CCL28: variants seen among roughly 807,000 people sequenced by gnomAD.
The protein encoded by CCL28 is C-C motif chemokine 28.
A neutral mutation model predicts 7.1 loss-of-function variants in CCL28; 4 were observed. The observed-to-expected ratio is 0.56, with a 90% CI of 0.28 to 1.29. The LOEUF (loss-of-function observed/expected upper bound fraction) is 1.29. Ranked by LOEUF, CCL28 falls within the 50% of genes most tolerant of loss-of-function variation. CCL28 has a pLI of 0.11. For missense variants in CCL28, 151 were observed against 163.4 expected (o/e 0.92, Z 0.41); for synonymous variants, 55 against 57.8 (o/e 0.95, Z 0.22).
chr5:43,390,894 G>A (rs1740544090), intron 1 of CCL28, among the ~76,000 whole-genome samples: 1 of 152,214 alleles, frequency 6.6e-6, no homozygotes. Context: ...AACCAGTGAA[G>A]CCCAGAGTAT....
chr5:43,406,918 G>T (rs1333331890), intron 1 of CCL28, among the ~76,000 whole-genome samples: 1 of 152,134 alleles, frequency 6.6e-6, no homozygotes, highest in Admixed American at 6.5e-5. Flanking sequence ...AAAATACCTT[G>T]AAATCCAACT....
chr5:43,402,688 A>C (rs1741087946), intron 1 of CCL28, among the ~76,000 whole-genome samples: 1 of 152,080 alleles, frequency 6.6e-6, no homozygotes, highest in African/African-American at 2.4e-5. Context: ...CAGTCCATGG[A>C]GCGTGAGCTG....
intron 1 of CCL28, among the ~76,000 whole-genome samples, chr5:43,396,743 CA>C (rs1323990640): frequency 2.0e-5 from 3 of 151,646 alleles, no homozygotes; most frequent in Non-Finnish European, 4.4e-5. Flanking sequence ...TCAGAGGAAA[CA>C]AAGCACGAGA....
intron 1 of CCL28, 21 bp from the exon 2 acceptor site, chr5:43,388,497 A>G: frequency 6.2e-7 from 1 of 1,611,498 alleles, no homozygotes; most frequent in Non-Finnish European, 8.5e-7. Flanking sequence ...AAAAGAAAGA[A>G]AATGTTAAAT....
rs981718688 is a variant in CCL28 at position 43,379,948 on chromosome 5, C to A, written c.*1912G>T. The A allele has an allele frequency of 6.6e-6, 1 of 152,100 alleles. No individual in the cohort carries two copies. Among genetic ancestry groups the A allele is most frequent in the African/African-American group, 2.4e-5 (1 of 41,406 alleles). The allele number at this position is 152,100 out of a possible 1,614,324, so 9.4% of individuals were successfully genotyped here. On this transcript the variant is annotated 3_prime_UTR_variant, in exon 3 of 3. Transcript: ENST00000361115. Reference sequence around the variant, plus strand: ...CAGCCCGGCCAACGTGGGAAAACCCCGTCTCTACTAAAAATACAAAAATCA... The same window carrying A: ...CAGCCCGGCCAACGTGGGAAAACCCAGTCTCTACTAAAAATACAAAAATCA...
chr5:43,373,458 G>A (rs1346773559), downstream of CCL28, among the ~76,000 whole-genome samples: 1 of 151,870 alleles, frequency 6.6e-6, no homozygotes, highest in African/African-American at 2.4e-5. Context: ...GTGCCACCAC[G>A]CCCGGCTAAT....
chr5:43,403,588 T>C (rs1252517477), intron 1 of CCL28, among the ~76,000 whole-genome samples: 1 of 152,042 alleles, frequency 6.6e-6, no homozygotes, highest in Non-Finnish European at 1.5e-5. Flanking sequence ...CTGACAAATC[T>C]AAAAATCAGA....
At chr5:43,368,318 C>T in the CCL28 span, among the ~76,000 whole-genome samples, 17 of 152,088 alleles carry the variant, frequency 1.1e-4, no homozygotes, top group Non-Finnish European at 1.9e-4. Flanking sequence ...GCTAGTTGCC[C>T]GCAATATCCT....
the CCL28 span, among the ~76,000 whole-genome samples, chr5:43,367,295 G>A: frequency 6.6e-6 from 1 of 152,164 alleles, no homozygotes; most frequent in Non-Finnish European, 1.5e-5. Context: ...AAAATCTCCT[G>A]CAGCTAGCTT....
the CCL28 span, among the ~76,000 whole-genome samples, chr5:43,362,132 G>A: frequency 9.9e-5 from 15 of 152,154 alleles, no homozygotes; most frequent in East Asian, 2.9e-3. Context: ...CCATAAATTT[G>A]GAATGTTTTC....
intron 1 of CCL28, among the ~76,000 whole-genome samples, chr5:43,396,152 G>A (rs1218045468): frequency 6.6e-6 from 1 of 152,092 alleles, no homozygotes; most frequent in African/African-American, 2.4e-5. Context: ...TTACAGGCGT[G>A]AACCACTGCG....
chr5:43,400,651 C>T (rs188889834), intron 1 of CCL28, among the ~76,000 whole-genome samples: 1 of 152,160 alleles, frequency 6.6e-6, no homozygotes, highest in East Asian at 1.9e-4. Flanking sequence ...GGCACTGGTA[C>T]TATATATAGA....
downstream of CCL28, among the ~76,000 whole-genome samples, chr5:43,376,434 A>T (rs1216830461): frequency 6.6e-6 from 1 of 152,250 alleles, no homozygotes; most frequent in East Asian, 1.9e-4. Flanking sequence ...TATCAGCCCA[A>T]GATGTCAGTA....
At chr5:43,391,943 T>A (rs73751083) in intron 1 of CCL28, among the ~76,000 whole-genome samples, 8,816 of 152,132 alleles carry the variant, frequency 0.058, 564 homozygotes, top group African/African-American at 0.16. Context: ...GGCCTTTTGG[T>A]TATACTTTAT....
At chr5:43,400,315 A>C (rs936547450) in intron 1 of CCL28, among the ~76,000 whole-genome samples, 1 of 152,120 alleles carries the variant, frequency 6.6e-6, no homozygotes, top group Non-Finnish European at 1.5e-5. Context: ...AACTGTTGGC[A>C]CTACACATCA....
intron 1 of CCL28, among the ~76,000 whole-genome samples, chr5:43,396,120 T>A (rs1338835733): frequency 6.6e-6 from 1 of 152,138 alleles, no homozygotes; most frequent in Non-Finnish European, 1.5e-5. Flanking sequence ...TCCGCCCGCC[T>A]CTGCCTCCCA....
chr5:43,369,036 AAGAGAGAGAGAG>A, the CCL28 span, among the ~76,000 whole-genome samples: 971 of 104,502 alleles, frequency 9.3e-3, 14 homozygotes, highest in East Asian at 0.032. Context: ...GAAAGAGAGA[AAGAGAGAGAGAG>A]AGAGAGAGAG....
rs1420604492 is a variant in CCL28, at chr5:43,398,701, A to G, written c.65-10225T>C. 2.0e-5 allele frequency among the ~76,000 whole-genome samples: 3 copies of G among 152,154 alleles called. No homozygotes were observed. The East Asian group carries it at 5.8e-4, about 29-fold the overall frequency. On this transcript the variant is annotated intron_variant, in intron 1 of 2. Coordinates refer to ENST00000361115, the MANE Select transcript of CCL28 (RefSeq NM_148672.3). The stretch of plus-strand genomic sequence containing the variant: ...CCATCTCTACTAAAAATACAAAAAA[A>G]TTAGCCGGGCATGGTGGCAGACGCC...
chr5:43,370,323 A>G, the CCL28 span, among the ~76,000 whole-genome samples: 2 of 152,100 alleles, frequency 1.3e-5, no homozygotes, highest in Non-Finnish European at 2.9e-5. Context: ...ACTTTCTCAC[A>G]CATCATATCG....
Sources: allele counts gnomAD v4.1 joint callset (sites outside exome capture counted in the v4.1 genomes callset), GRCh38; gene constraint gnomAD v4.1.1; transcripts MANE v1.5; gene names NCBI Gene and HGNC (gene_info 2026-07-23, HGNC 2026-07-21).